Variants in CRACD observed in about 807,000 individuals in gnomAD.
CRACD encodes capping protein-inhibiting regulator of actin dynamics.
Under a neutral mutation model 106.8 loss-of-function variants are expected in CRACD, and 56 were observed. The ratio of observed to expected loss-of-function variants is 0.52; its 90% confidence interval spans 0.42 to 0.66. The LOEUF is 0.66. CRACD is among the 30% of genes least tolerant of loss of function. The pLI is 0.00. For missense variants in CRACD, 1,730 were observed against 1,623.2 expected (o/e 1.07, Z -1.13); for synonymous variants, 754 against 670.8 (o/e 1.12, Z -1.92).
At chr4:56,183,651 T>C (rs1736952876) in intron 2 of CRACD, among the ~76,000 whole-genome samples, 1 of 152,098 alleles carries the variant, frequency 6.6e-6, no homozygotes, top group Admixed American at 6.5e-5. Context: ...GTCTGGGAGG[T>C]GAGACAAAGC....
intron 6 of CRACD, among the ~76,000 whole-genome samples, chr4:56,312,163 A>G (rs1463416612): frequency 6.6e-6 from 1 of 151,934 alleles, no homozygotes; most frequent in African/African-American, 2.4e-5. Context: ...GATTGTACCA[A>G]AACTTTTGTG....
chr4:56,188,645 C>CTCTCTCTA (rs1553908628), intron 2 of CRACD, among the ~76,000 whole-genome samples: 28 of 144,050 alleles, frequency 1.9e-4, no homozygotes, highest in African/African-American at 6.7e-4. Context: ...CTCTCTCTCT[C>CTCTCTCTA]TCTATCTCTC....
chr4:56,147,198 C>G lies in CRACD; in HGVS notation c.-335-32086C>G, dbSNP rs998834580. 7.2e-5 allele frequency among the ~76,000 whole-genome samples: 11 copies of G among 152,218 alleles called. No individual in the cohort carries two copies. The East Asian group carries it at 2.1e-3, about 29-fold the overall frequency. On this transcript the variant is annotated intron_variant, in intron 1 of 10. Coordinates refer to ENST00000682029, the MANE Select transcript of CRACD (RefSeq NM_001393381.1). ...GGCCCCTGGAATTTCTAAGCAAGCA[C>G]ATAATTAGATAAGCGAGCACTGTTC...
In CRACD at chr4:56,316,243, C is replaced by G; in HGVS notation, c.2741C>G (p.Pro914Arg). 1 of 1,613,954 alleles carries G rather than the reference C, an allele frequency of 6.2e-7. No individual in the cohort carries two copies. The highest frequency in any genetic ancestry group is 8.5e-7 in the Non-Finnish European group (1 of 1,179,832). ...PSLPQERKQA[P>R]STRRDSAEPS... is the part of the protein sequence containing the mutation. ...CTCCCCCAAGAGCGGAAGCAAGCCC[C>G]TTCCACCCGGAGGGACTCCGCTGAA... Residue 914 changes from proline (P) to arginine (R), a missense_variant, in exon 8 of 11, where the codon CCT becomes CGT. Coordinates refer to ENST00000682029, the MANE Select transcript of CRACD (RefSeq NM_001393381.1).
At chr4:56,199,500 G>A (rs1737777645) in intron 2 of CRACD, among the ~76,000 whole-genome samples, 1 of 151,850 alleles carries the variant, frequency 6.6e-6, no homozygotes, top group South Asian at 2.1e-4. Flanking sequence ...TGACCAACAT[G>A]GTGAAACCCC....
chr4:56,325,225 C>T (rs1486767286), intron 10 of CRACD, among the ~76,000 whole-genome samples: 1 of 152,072 alleles, frequency 6.6e-6, no homozygotes, highest in African/African-American at 2.4e-5. Flanking sequence ...GTCCCACCTA[C>T]TTGGGAGGCT....
At chr4:56,309,014 A>C in intron 5 of CRACD, 1 of 575,372 alleles carries the variant, frequency 1.7e-6, no homozygotes, top group Non-Finnish European at 3.0e-6. Flanking sequence ...GAGAGGGTGT[A>C]ACAAACAACA....
intron 2 of CRACD, among the ~76,000 whole-genome samples, chr4:56,255,885 T>G: frequency 6.6e-6 from 1 of 152,244 alleles, no homozygotes; most frequent in Non-Finnish European, 1.5e-5. Flanking sequence ...TCATTTTGAA[T>G]AGGGCCCAGG....
intron 1 of CRACD, among the ~76,000 whole-genome samples, chr4:56,104,147 G>A (rs555596575): frequency 4.6e-5 from 7 of 152,262 alleles, no homozygotes; most frequent in Admixed American, 6.5e-5. Context: ...CGGTGATCCC[G>A]GAGCTTTGGG....
chr4:56,092,676 G>A lies in CRACD; in HGVS notation c.-336+43377G>A, dbSNP rs140379150. On this transcript the variant is annotated intron_variant, in intron 1 of 10. Transcript: ENST00000682029. ...GGAGTGCAGTGTGTGATCATACATC[G>A]TTGTAGCCTTAAACTCTTGGGCTCA... Among the ~76,000 whole-genome samples the A allele has an allele frequency of 1.8e-3, 279 of 151,926 alleles. 4 individuals carry two copies. Among genetic ancestry groups the A allele is most frequent in the Non-Finnish European group, 1.2e-3 (81 of 67,988 alleles).
intron 8 of CRACD, among the ~76,000 whole-genome samples, chr4:56,319,642 C>G (rs1745931298): frequency 6.6e-6 from 1 of 151,862 alleles, no homozygotes; most frequent in Admixed American, 6.6e-5. Context: ...TTGTTTTTAT[C>G]CTTACATTTA....
chr4:56,164,248 CCTCAGCCT>C (rs1736062837), intron 1 of CRACD, among the ~76,000 whole-genome samples: 1 of 151,848 alleles, frequency 6.6e-6, no homozygotes, highest in Admixed American at 6.6e-5. Context: ...CATTGTCCTG[CCTCAGCCT>C]CCCCAGTAGC....
chr4:56,146,552 A>G, intron 1 of CRACD, among the ~76,000 whole-genome samples: 1 of 120,038 alleles, frequency 8.3e-6, no homozygotes, highest in African/African-American at 3.4e-5. Flanking sequence ...TATATCTCCT[A>G]ATGCTATCCC....
chr4:56,079,219 T>C (rs529815374), intron 1 of CRACD, among the ~76,000 whole-genome samples: 3 of 152,218 alleles, frequency 2.0e-5, no homozygotes, highest in African/African-American at 7.2e-5. Context: ...TGAGGTCAAA[T>C]AGGCTTTTCA....
intron 1 of CRACD, among the ~76,000 whole-genome samples, chr4:56,061,961 A>G (rs114625550): frequency 0.012 from 1,788 of 152,314 alleles, 34 homozygotes; most frequent in African/African-American, 0.041. Flanking sequence ...GATGGGCAGA[A>G]TCTTTTTTGC....
intron 2 of CRACD, among the ~76,000 whole-genome samples, chr4:56,224,169 A>G (rs973988047): frequency 6.6e-6 from 1 of 150,642 alleles, no homozygotes; most frequent in Non-Finnish European, 1.5e-5. Flanking sequence ...TTGGAATTGC[A>G]TTTGATTTCC....
At chr4:56,144,545 A>G (rs1013611812) in intron 1 of CRACD, among the ~76,000 whole-genome samples, 1 of 152,120 alleles carries the variant, frequency 6.6e-6, no homozygotes, top group South Asian at 2.1e-4. Flanking sequence ...GTTGAATCAT[A>G]AATTTTTGCA....
chr4:56,319,670 A>G (rs561311650), intron 8 of CRACD, among the ~76,000 whole-genome samples: 2 of 152,222 alleles, frequency 1.3e-5, no homozygotes, highest in East Asian at 3.9e-4. Flanking sequence ...AGAAATAGAA[A>G]TTCTAATCTT....
chr4:56,218,630 C>T (rs1281864580), intron 2 of CRACD, among the ~76,000 whole-genome samples: 1 of 144,002 alleles, frequency 6.9e-6, no homozygotes, highest in Non-Finnish European at 1.5e-5. Context: ...TTTCTTTCAA[C>T]AGGCTCTCTC....
Sources: allele counts gnomAD v4.1 joint callset (sites outside exome capture counted in the v4.1 genomes callset), GRCh38; gene constraint gnomAD v4.1.1; transcripts MANE v1.5; gene names NCBI Gene and HGNC (gene_info 2026-07-23, HGNC 2026-07-21).